The following CPNE8 variants were observed in gnomAD, a reference collection of about 807,000 sequenced individuals.
The protein encoded by CPNE8 is copine-8.
Under a neutral mutation model 81.5 loss-of-function variants are expected in CPNE8, and 45 were observed. The observed-to-expected ratio is 0.55, with a 90% CI of 0.44 to 0.71. The LOEUF (loss-of-function observed/expected upper bound fraction) is 0.71. Among genes scored for constraint, CPNE8 ranks in the 30% least tolerant of loss-of-function variants. The probability of loss-of-function intolerance (pLI) is 0.00; values close to 1 mark genes in which losing one functional copy is unlikely to be tolerated. For missense variants in CPNE8, 594 were observed against 672.1 expected (o/e 0.88, Z 1.28); for synonymous variants, 252 against 226.3 (o/e 1.11, Z -1.02).
At chr12:38,869,321 T>C (rs988022368) in intron 3 of CPNE8, among the ~76,000 whole-genome samples, 1 of 152,182 alleles carries the variant, frequency 6.6e-6, no homozygotes, top group African/African-American at 2.4e-5. Context: ...TTATAATGTA[T>C]CCTTAATTGT....
intron 19 of CPNE8, among the ~76,000 whole-genome samples, chr12:38,656,953 C>T (rs897802815): frequency 2.0e-5 from 3 of 152,140 alleles, no homozygotes; most frequent in African/African-American, 4.8e-5. Flanking sequence ...CAGCTCCCAG[C>T]GTGACAGACA....
intron 18 of CPNE8, among the ~76,000 whole-genome samples, chr12:38,672,507 C>A (rs1939198120): frequency 6.6e-6 from 1 of 152,078 alleles, no homozygotes; most frequent in African/African-American, 2.4e-5. Flanking sequence ...CCCAGTCTCC[C>A]ACCATTACCT....
chr12:38,758,986 G>A (rs1264521304), intron 10 of CPNE8, among the ~76,000 whole-genome samples: 1 of 152,010 alleles, frequency 6.6e-6, no homozygotes, highest in Non-Finnish European at 1.5e-5. Flanking sequence ...GTTTATTAGT[G>A]GTTAAATTAA....
intron 5 of CPNE8, among the ~76,000 whole-genome samples, chr12:38,831,464 C>T (rs1419801551): frequency 1.3e-5 from 2 of 152,058 alleles, no homozygotes; most frequent in Non-Finnish European, 2.9e-5. Flanking sequence ...GTGTTAAGGC[C>T]CCAAACAGTA....
chr12:38,724,695 T>A, intron 12 of CPNE8, 151 bp downstream of exon 12: 1 of 535,372 alleles, frequency 1.9e-6, no homozygotes, highest in Non-Finnish European at 3.2e-6. Context: ...CCTGAGAAGT[T>A]GATTTTTCTA....
At chr12:38,755,093 C>T (rs977846196) in intron 10 of CPNE8, among the ~76,000 whole-genome samples, 3 of 152,130 alleles carry the variant, frequency 2.0e-5, no homozygotes, top group Non-Finnish European at 2.9e-5. Flanking sequence ...AGAATGAAAA[C>T]ATCAAGTGCA....
At position 38,842,869 on chromosome 12, in the gene CPNE8, G is replaced by A. The variant is rs567844919; in HGVS notation, c.291-2914C>T. ...GCTGGGATTACAGGCGTGAGCCACC[G>A]TGCCTAGCCTAAAATTACCATCTTT... On this transcript the variant is annotated intron_variant, in intron 4 of 19. Coordinates refer to ENST00000331366, the MANE Select transcript of CPNE8 (RefSeq NM_153634.3). 3.3e-5 allele frequency among the ~76,000 whole-genome samples: 5 copies of A among 152,180 alleles called. No individual in the cohort carries two copies. In the East Asian group the frequency reaches 7.7e-4, roughly 24 times the overall value.
chr12:38,852,300 G>A (rs1010113023), intron 3 of CPNE8, among the ~76,000 whole-genome samples: 3 of 150,684 alleles, frequency 2.0e-5, no homozygotes, highest in Admixed American at 6.6e-5. Context: ...GTGGTGGCAG[G>A]CGCCTGTAGC....
chr12:38,696,974 G>C lies in CPNE8; in HGVS notation c.962-3136C>G, dbSNP rs572644173. ...AGGCTGGAGAATCACTTGAGCCCTG[G>C]AAGTGGAGGTTGCAGTGAGCTGAGA... On this transcript the variant is annotated intron_variant, in intron 14 of 19. Coordinates refer to ENST00000331366, the MANE Select transcript of CPNE8 (RefSeq NM_153634.3). 7.2e-5 allele frequency among the ~76,000 whole-genome samples: 11 copies of C among 152,294 alleles called. 1 individual carries two copies. The highest frequency in any genetic ancestry group is 3.3e-4 in the Admixed American group (5 of 15,292).
At chr12:38,898,166 T>C (rs556928978) in intron 1 of CPNE8, among the ~76,000 whole-genome samples, 21 of 152,290 alleles carry the variant, frequency 1.4e-4, no homozygotes, top group African/African-American at 4.8e-4. Flanking sequence ...CCCTCTCCTG[T>C]GGGATCCTGT....
At chr12:38,855,924 CA>C (rs1179522444) in intron 3 of CPNE8, among the ~76,000 whole-genome samples, 3 of 151,240 alleles carry the variant, frequency 2.0e-5, no homozygotes, top group African/African-American at 4.9e-5. Context: ...AGAAAGGAAC[CA>C]AAGAACAAAT....
At chr12:38,755,892 T>C (rs1941446351) in intron 10 of CPNE8, among the ~76,000 whole-genome samples, 1 of 151,246 alleles carries the variant, frequency 6.6e-6, no homozygotes. Context: ...TACAAAAAAT[T>C]AGCCGGGCGT....
chr12:38,865,523 A>G (rs1223896161), intron 3 of CPNE8, among the ~76,000 whole-genome samples: 3 of 152,232 alleles, frequency 2.0e-5, no homozygotes, highest in African/African-American at 4.8e-5. Flanking sequence ...AGTATAAACT[A>G]TATGATTCTA....
intron 6 of CPNE8, among the ~76,000 whole-genome samples, chr12:38,781,948 CA>C (rs1328710282): frequency 2.0e-4 from 31 of 152,134 alleles, no homozygotes; most frequent in African/African-American, 7.5e-4. Context: ...TGTAACATAT[CA>C]GATCAAAAGA....
At chr12:38,861,503 T>G (rs1236918144) in intron 3 of CPNE8, among the ~76,000 whole-genome samples, 3 of 152,112 alleles carry the variant, frequency 2.0e-5, no homozygotes, top group Non-Finnish European at 2.9e-5. Flanking sequence ...AACATCAATC[T>G]TGAATGACTA....
Position 38,653,788 on chromosome 12 carries a change from C to A in CPNE8, c.*94G>T. On this transcript the variant is annotated 3_prime_UTR_variant, in exon 20 of 20. Coordinates refer to ENST00000331366, the MANE Select transcript of CPNE8 (RefSeq NM_153634.3). ...AACTGCTGAAACCAAACTGAGAAAA[C>A]TATCTCATTGCCTGGTTCATTACAG... The A allele has an allele frequency of 3.5e-6, 5 of 1,447,212 alleles. No homozygotes were observed. The highest frequency in any genetic ancestry group is 2.7e-6 in the Non-Finnish European group (3 of 1,102,304). 89.6% of individuals were successfully genotyped at this position (1,447,212 alleles called of 1,614,324 possible).
chr12:38,741,174 A>G (rs978722484), intron 10 of CPNE8, among the ~76,000 whole-genome samples: 4 of 152,180 alleles, frequency 2.6e-5, no homozygotes, highest in African/African-American at 9.7e-5. Flanking sequence ...AGAATTGGAA[A>G]AAACCACTTT....
At position 38,654,026 on chromosome 12, in the gene CPNE8, T is replaced by C; in HGVS notation, c.1551A>G (p.Ile517Met). 1.2e-6 allele frequency: 2 copies of C among 1,612,216 alleles called. No homozygotes were observed. The highest frequency in any genetic ancestry group is 1.7e-6 in the Non-Finnish European group (2 of 1,179,304). Residue 517 changes from isoleucine (I) to methionine (M), a missense_variant, in exon 20 of 20, where the codon ATA becomes ATG. Transcript: ENST00000331366. The part of the protein sequence containing the change: ...RDYIDRSGNH[I>M]LSMARLAKDV... ...CTTTAGCCAATCTAGCCATGCTCAG[T>C]ATGTGGTTTCCACTTCTGTCAATAT...
chr12:38,660,569 G>A (rs192850051), intron 19 of CPNE8, among the ~76,000 whole-genome samples: 4 of 152,248 alleles, frequency 2.6e-5, no homozygotes, highest in East Asian at 3.9e-4. Context: ...AAGACTTCAT[G>A]ACTAAAACAC....
Sources: gnomAD v4.1 joint callset for allele counts (sites outside exome capture counted in the v4.1 genomes callset) on GRCh38, gnomAD v4.1.1 for gene constraint, MANE v1.5 for transcripts, NCBI Gene and HGNC (gene_info 2026-07-23, HGNC 2026-07-21) for gene names.